The following SDR39U1 variants were observed in gnomAD, a reference collection of about 807,000 sequenced individuals.
SDR39U1 encodes the protein short chain dehydrogenase/reductase family 39U member 1.
SDR39U1 carries 29 observed loss-of-function variants against 31.7 expected under a neutral mutation model. That is an observed-to-expected ratio of 0.92 (90% confidence interval 0.68 to 1.25). The LOEUF (loss-of-function observed/expected upper bound fraction) is 1.25, where lower values mean the gene tolerates loss of function less well. Ranked by LOEUF, SDR39U1 falls within the 50% of genes most tolerant of loss-of-function variation. The probability of loss-of-function intolerance (pLI) is 0.00; values close to 1 mark genes in which losing one functional copy is unlikely to be tolerated. For synonymous variants in SDR39U1, 147 were observed against 159.0 expected (o/e 0.92, Z 0.57); for missense variants, 403 against 378.4 (o/e 1.06, Z -0.54).
chr14:24,439,926 G>A lies in SDR39U1; in HGVS notation c.*157C>T, dbSNP rs2043269423. Reference sequence around the variant, plus strand: ...CCCAACCTGATGAGATTACGGCCTTGAGACAATAAGGTGGAGCAACAGAAC... The same window carrying A: ...CCCAACCTGATGAGATTACGGCCTTAAGACAATAAGGTGGAGCAACAGAAC... On this transcript the variant is annotated 3_prime_UTR_variant, in exon 6 of 6. Coordinates refer to ENST00000399395, the MANE Select transcript of SDR39U1 (RefSeq NM_020195.3). 1 of 624,862 alleles carries A rather than the reference G, an allele frequency of 1.6e-6. No individual in the cohort carries two copies. The allele number at this position is 624,862 out of a possible 1,614,324, so 38.7% of individuals were successfully genotyped here.
intron 3 of SDR39U1, 137 bp from the exon 4 acceptor site, chr14:24,441,932 G>T (rs11628866): frequency 0.13 from 173,530 of 1,344,180 alleles, 12,084 homozygotes; most frequent in East Asian, 0.2. Flanking sequence ...AACAGTCAAC[G>T]TCTCCTGTAG....
In SDR39U1 at chr14:24,440,161, G is replaced by T. The variant is rs754335531; in HGVS notation, c.804C>A (p.Ile268=). Residue 268 remains isoleucine (I), a synonymous_variant, in exon 6 of 6, where the codon ATC becomes ATA. Transcript: ENST00000399395. ...AGCCAGTGGCCAGTGTTCGCTGTGG[G>T]ATCACCTTCTGGCCCTCCAGCAGCA... is the stretch of plus-strand genomic sequence containing the variant. ...AIMLLEGQKV[I]PQRTLATGYQ... is the part of the protein sequence containing the mutation. 5.6e-6 allele frequency: 9 copies of T among 1,613,748 alleles called. No homozygotes were observed. The highest frequency in any genetic ancestry group is 1.7e-6 in the Non-Finnish European group (2 of 1,179,718).
chr14:24,442,152 G>C (rs1010920454), intron 3 of SDR39U1, 26 bp downstream of exon 3: 2 of 1,602,036 alleles, frequency 1.2e-6, no homozygotes, highest in African/African-American at 2.7e-5. Flanking sequence ...GCTCTAGTGG[G>C]TATCAGCTTT....
At chr14:24,440,582 C>T in intron 5 of SDR39U1, 90 bp from the exon 6 acceptor site, 1 of 1,464,548 alleles carries the variant, frequency 6.8e-7, no homozygotes, top group Non-Finnish European at 9.3e-7. Context: ...CTTCCTCACT[C>T]TCCCCATGCT....
chr14:24,442,122 T>TG, intron 3 of SDR39U1, 56 bp downstream of exon 3: 1 of 1,576,530 alleles, frequency 6.3e-7, no homozygotes, highest in Non-Finnish European at 8.6e-7. Flanking sequence ...TTCTCATCAG[T>TG]GGGGCACTGT....
Position 24,440,159 on chromosome 14 carries a change from G to C in SDR39U1, c.806C>G (p.Pro269Arg). 6.2e-7 allele frequency: 1 copy of C among 1,613,718 alleles called. No individual in the cohort carries two copies. The highest frequency in any genetic ancestry group is 8.5e-7 in the Non-Finnish European group (1 of 1,179,698). ...IMLLEGQKVI[P>R]QRTLATGYQY... ...GTAGCCAGTGGCCAGTGTTCGCTGT[G>C]GGATCACCTTCTGGCCCTCCAGCAG... Residue 269 changes from proline (P) to arginine (R), a missense_variant, in exon 6 of 6, where the codon CCA becomes CGA. Transcript: ENST00000399395.
chr14:24,442,404 G>A lies in SDR39U1; in HGVS notation c.65C>T (p.Ala22Val), dbSNP rs751304246. The A allele has an allele frequency of 6.2e-7, 1 of 1,611,302 alleles. No individual in the cohort carries two copies. Among genetic ancestry groups the A allele is most frequent in the Non-Finnish European group, 8.5e-7 (1 of 1,178,698 alleles). Residue 22 changes from alanine to valine, a missense_variant, in exon 2 of 6, where the codon GCC becomes GTC. By Grantham distance (64) the Ala-to-Val change is moderately conservative. Coordinates refer to ENST00000399395, the MANE Select transcript of SDR39U1 (RefSeq NM_020195.3). ...IGTALTQLLN[A>V]RGHEVTLVSR... ...GACCAACGTCACTTCGTGGCCTCTG[G>A]CATTCAGCAGCTGGGTTAGGGCTGT...
chr14:24,442,351 T>C lies in SDR39U1; in HGVS notation c.118A>G (p.Thr40Ala), dbSNP rs1280081326. Residue 40 changes from threonine to alanine, a missense_variant, in exon 2 of 6, where the codon ACG becomes GCG. By Grantham distance (58) the Thr-to-Ala change is moderately conservative. Coordinates refer to ENST00000399395, the MANE Select transcript of SDR39U1 (RefSeq NM_020195.3). ...VSRKPGPGRI[T>A]WDELAASGLP... ...CTTCCAGAGGATGGACTTACCCACG[T>C]GATCCGGCCGGGCCCGGGCTTTCGG... The C allele has an allele frequency of 2.5e-6, 4 of 1,610,644 alleles. No homozygotes were observed. Among genetic ancestry groups the C allele is most frequent in the Non-Finnish European group, 3.4e-6 (4 of 1,178,638 alleles).
Position 24,442,280 on chromosome 14 carries a change from G to C in SDR39U1, c.124-20C>G. 6.2e-7 allele frequency: 1 copy of C among 1,604,780 alleles called. No homozygotes were observed. Among genetic ancestry groups the C allele is most frequent in the Non-Finnish European group, 8.5e-7 (1 of 1,176,366 alleles). ...CTCATCCTGTCGGAGAAAGCACACA[G>C]TGCCCCTGCCCCGCCCTGCGCCGCC... On this transcript the variant is annotated intron_variant, in intron 2 of 5. Coordinates refer to ENST00000399395, the MANE Select transcript of SDR39U1 (RefSeq NM_020195.3).
At position 24,440,285 on chromosome 14, in the gene SDR39U1, TCAG is replaced by T. The variant is rs2043285653; in HGVS notation, c.677_679del (p.Ala226del). On this transcript the variant is annotated inframe_deletion, in exon 6 of 6. Coordinates refer to ENST00000399395, the MANE Select transcript of SDR39U1 (RefSeq NM_020195.3). ...GGCAGCACCCAAGGTCTGGGCAAAC[TCAG>T]CATTAGTGGCGGAGGATGGAGCCAC... is the stretch of plus-strand genomic sequence containing the variant. The T allele has an allele frequency of 6.2e-7, 1 of 1,614,004 alleles. No individual in the cohort carries two copies. The highest frequency in any genetic ancestry group is 8.5e-7 in the Non-Finnish European group (1 of 1,179,878).
Position 24,442,363 on chromosome 14 carries a change from GC to G in SDR39U1, c.105del (p.Gly37AlafsTer42). On this transcript the variant is annotated frameshift_variant, in exon 2 of 6. Transcript: ENST00000399395. LOFTEE classifies it high-confidence loss of function. ...HEVTLVSRKPGPGRITWDELA... is the reference protein window; with the variant it reads ...HEVTLVSRKPXPGRITWDELA... ...GGACTTACCCACGTGATCCGGCCGG[GC>G]CCGGGCTTTCGGGAGACCAACGTCA... is the stretch of plus-strand genomic sequence containing the variant. 1 of 1,611,642 alleles carries G rather than the reference GC, an allele frequency of 6.2e-7. No homozygotes were observed. Among genetic ancestry groups the G allele is most frequent in the East Asian group, 2.2e-5 (1 of 44,786 alleles).
At chr14:24,442,806 A>C (rs755305740), upstream of SDR39U1, 2 of 1,613,114 alleles carry the variant, frequency 1.2e-6, no homozygotes, top group Non-Finnish European at 1.7e-6. Flanking sequence ...TAAAGTTTAG[A>C]GTTTACCTCA....
chr14:24,442,427 T>G lies in SDR39U1; in HGVS notation c.42A>C (p.Thr14=), dbSNP rs960839906. Reference sequence around the variant, plus strand: ...TGGCATTCAGCAGCTGGGTTAGGGCTGTCCCAATGAAGCCTGTCCCGCCAC... The same window carrying G: ...TGGCATTCAGCAGCTGGGTTAGGGCGGTCCCAATGAAGCCTGTCCCGCCAC... ...LVGGGTGFIG[T]ALTQLLNARG... is the part of the protein sequence containing the mutation. The change falls in exon 2 of 6, where the codon ACA becomes ACC. Residue 14 remains threonine (T), a synonymous_variant. Coordinates refer to ENST00000399395, the MANE Select transcript of SDR39U1 (RefSeq NM_020195.3). 2 of 1,609,076 alleles carry G rather than the reference T, an allele frequency of 1.2e-6. No individual in the cohort carries two copies. The highest frequency in any genetic ancestry group is 1.7e-6 in the Non-Finnish European group (2 of 1,177,718).
chr14:24,442,799 A>T, upstream of SDR39U1: 1 of 1,613,630 alleles, frequency 6.2e-7, no homozygotes, highest in Non-Finnish European at 8.5e-7. Flanking sequence ...GCCTGCGTAA[A>T]GTTTAGAGTT....
rs372417297 is a variant in SDR39U1 at position 24,441,713 on chromosome 14, G to A, written c.289C>T (p.Pro97Ser). The change falls in exon 4 of 6, where the codon CCA becomes TCA. Residue 97 changes from proline to serine, a missense_variant. Pro to Ser is a moderately conservative substitution (Grantham distance 74). Transcript: ENST00000399395. ...AAGACCCAGGCCTTGGGGGGTTGTG[G>A]GGCTTTGGTGATGGCTTTAGCCAGC... Reference protein sequence around the residue: ...QLLAKAITKAPQPPKAWVLVT... With the variant: ...QLLAKAITKASQPPKAWVLVT... 12 of 1,597,732 alleles carry A rather than the reference G, an allele frequency of 7.5e-6. No individual in the cohort carries two copies. The highest frequency in any genetic ancestry group is 1.7e-4 in the Middle Eastern group (1 of 5,990).
intron 4 of SDR39U1, chr14:24,441,329 T>G (rs2043332449): frequency 2.2e-6 from 1 of 449,152 alleles, no homozygotes; most frequent in East Asian, 4.7e-5. Flanking sequence ...ATAATAAGCA[T>G]AAAACACTTC....
In SDR39U1 at chr14:24,440,112, C is replaced by T; in HGVS notation, c.853G>A (p.Gly285Arg). The T allele has an allele frequency of 6.2e-7, 1 of 1,609,478 alleles. No individual in the cohort carries two copies. ...GCTACAATTTCCTTTAAGGCAGCCC[C>T]TAGCTCTGGGAAGGAATACTGGTAG... Reference protein sequence around the residue: ...TGYQYSFPELGAALKEIVA With the variant: ...TGYQYSFPELRAALKEIVA Residue 285 changes from glycine (G) to arginine (R), a missense_variant, in exon 6 of 6, where the codon GGG (glycine) becomes AGG (arginine). Gly to Arg is a moderately radical substitution (Grantham distance 125). Coordinates refer to ENST00000399395, the MANE Select transcript of SDR39U1 (RefSeq NM_020195.3).
chr14:24,441,861 C>G (rs1178465127), intron 3 of SDR39U1, 66 bp from the exon 4 acceptor site: 18 of 1,550,678 alleles, frequency 1.2e-5, no homozygotes, highest in Non-Finnish European at 1.1e-5. Context: ...CTCTCTCTGT[C>G]TTTTCCTGGG....
chr14:24,442,353 A>G lies in SDR39U1; in HGVS notation c.116T>C (p.Ile39Thr), dbSNP rs2043374318. Residue 39 changes from isoleucine (I) to threonine (T), a missense_variant, in exon 2 of 6, where the codon ATC becomes ACC. By Grantham distance (89) the Ile-to-Thr change is moderately conservative. Transcript: ENST00000399395. ...LVSRKPGPGR[I>T]TWDELAASGL... ...TCCAGAGGATGGACTTACCCACGTG[A>G]TCCGGCCGGGCCCGGGCTTTCGGGA... The G allele has an allele frequency of 6.2e-7, 1 of 1,610,040 alleles. No individual in the cohort carries two copies. Among genetic ancestry groups the G allele is most frequent in the South Asian group, 1.1e-5 (1 of 90,374 alleles).
Sources: allele counts gnomAD v4.1 joint callset, GRCh38; gene constraint gnomAD v4.1.1; transcripts MANE v1.5; gene names NCBI Gene and HGNC (gene_info 2026-07-23, HGNC 2026-07-21).